Variants in UTP20 observed in about 807,000 individuals in gnomAD.
The protein encoded by UTP20 is UTP20 small subunit processome component, also known as small subunit processome component 20 homolog.
In UTP20, 164 loss-of-function variants were observed where a neutral mutation model predicts 329.5. The ratio of observed to expected loss-of-function variants is 0.50; its 90% CI spans 0.44 to 0.57. The LOEUF is 0.57. UTP20 is among the 20% of genes least tolerant of loss of function. The pLI, the probability that UTP20 is intolerant of heterozygous loss-of-function variation, is 0.00. For synonymous variants in UTP20, 1,151 were observed against 1,159.3 expected, an observed-to-expected ratio of 0.99 and a Z score of 0.14; for missense variants, 3,055 against 3,284.2, an observed-to-expected ratio of 0.93 and a Z score of 1.71.
intron 24 of UTP20, 150 bp from the exon 25 acceptor site, chr12:101,321,353 AT>A (rs993022381): frequency 8.9e-7 from 1 of 1,122,796 alleles, no homozygotes; most frequent in Non-Finnish European, 1.2e-6. Context: ...ATTTTAGGAG[AT>A]TTTTTTGAGG....
intron 56 of UTP20, among the ~76,000 whole-genome samples, chr12:101,378,058 T>TA (rs370593150): frequency 1.7e-3 from 253 of 152,042 alleles, no homozygotes; most frequent in African/African-American, 5.5e-3. Context: ...CCCATCTCTA[T>TA]AAAAAATAAC....
chr12:101,296,569 T>TC (rs1462442856), intron 12 of UTP20, among the ~76,000 whole-genome samples: 5 of 60,558 alleles, frequency 8.3e-5, no homozygotes, highest in African/African-American at 7.1e-4. Context: ...AGACTTCATC[T>TC]CAAAAAAAAA....
chr12:101,293,106 C>A, intron 10 of UTP20, 62 bp from the exon 11 acceptor site: 1 of 1,524,962 alleles, frequency 6.6e-7, no homozygotes, highest in Non-Finnish European at 9.1e-7. Flanking sequence ...TAGCTGCTTG[C>A]TGGGGGGATG....
chr12:101,362,447 T>C lies in UTP20; in HGVS notation c.5790+387T>C, dbSNP rs569085705. 5.3e-5 allele frequency among the ~76,000 whole-genome samples: 8 copies of C among 152,352 alleles called. No homozygotes were observed. The South Asian group carries it at 1.7e-3, about 32-fold the overall frequency. ...GGCCAGGCACTGTGGCTCATGCCTG[T>C]AAACCCAGCACTTTGGGAGGCTGAG... On this transcript the variant is annotated intron_variant, in intron 44 of 61. Transcript: ENST00000261637.
chr12:101,319,685 A>G (rs770810309), intron 23 of UTP20, 50 bp downstream of exon 23: 29 of 1,469,532 alleles, frequency 2.0e-5, no homozygotes, highest in African/African-American at 4.3e-5. Flanking sequence ...ACTTTTCTCT[A>G]TCATTTTCTT....
rs375871758 is a variant in UTP20, at chr12:101,299,851, C to G, written c.1586+14C>G. ...ACCTCATATTAGGTAAGAAAATAAG[C>G]TATGTTTAATTTTGAAAGAGATAAC... On this transcript the variant is annotated intron_variant, in intron 13 of 61. Transcript: ENST00000261637. 4.4e-6 allele frequency: 7 copies of G among 1,601,504 alleles called. No individual in the cohort carries two copies. In the African/African-American group the frequency reaches 9.4e-5, roughly 22 times the overall value.
intron 42 of UTP20, 47 bp downstream of exon 42, chr12:101,356,740 T>C: frequency 1.3e-6 from 2 of 1,575,150 alleles, no homozygotes; most frequent in Non-Finnish European, 1.7e-6. Flanking sequence ...CAAAAATTGG[T>C]TCTTTTCTTC....
At chr12:101,296,677 G>A (rs1238556648) in intron 12 of UTP20, among the ~76,000 whole-genome samples, 7 of 152,090 alleles carry the variant, frequency 4.6e-5, no homozygotes, top group African/African-American at 1.7e-4. Flanking sequence ...GAACCCAGGA[G>A]GTAGAGGTTG....
intron 21 of UTP20, among the ~76,000 whole-genome samples, chr12:101,316,343 A>T (rs1457754079): frequency 6.6e-6 from 1 of 152,230 alleles, no homozygotes; most frequent in Non-Finnish European, 1.5e-5. Flanking sequence ...GAATGAGTGA[A>T]CATGCTGTTC....
Position 101,311,761 on chromosome 12 carries a change from C to A in UTP20, c.2274C>A (p.Val758=). ...HEMENKQFWK[V]YYEHLEKAAT... ...TGGAAAATAAGCAATTTTGGAAAGT[C>A]TACTATGAGCATCTAGAAAAAGCAG... is the stretch of plus-strand genomic sequence containing the variant. The change falls in exon 20 of 62, where the codon GTC becomes GTA. Residue 758 remains valine (V), a synonymous_variant. Coordinates refer to ENST00000261637, the MANE Select transcript of UTP20 (RefSeq NM_014503.3). The A allele has an allele frequency of 6.2e-7, 1 of 1,612,292 alleles. No individual in the cohort carries two copies. Among genetic ancestry groups the A allele is most frequent in the South Asian group, 1.1e-5 (1 of 90,706 alleles).
In UTP20 at chr12:101,356,647, C is replaced by G. The variant is rs1414204246; in HGVS notation, c.5488C>G (p.Leu1830Val). ...RVPLAFAMVK[L>V]MQSLPQEVME... Reference sequence around the variant, plus strand: ...TCCATTAGCTTTTGCCATGGTTAAACTAATGCAGTCCCTTCCACAAGAAGT... The same window carrying G: ...TCCATTAGCTTTTGCCATGGTTAAAGTAATGCAGTCCCTTCCACAAGAAGT... The change falls in exon 42 of 62, where the codon CTA becomes GTA. Residue 1830 changes from leucine (L) to valine (V), a missense_variant. Leu to Val is a conservative substitution (Grantham distance 32). Transcript: ENST00000261637. The G allele has an allele frequency of 1.9e-6, 3 of 1,613,898 alleles. No individual in the cohort carries two copies. The highest frequency in any genetic ancestry group is 2.5e-6 in the Non-Finnish European group (3 of 1,179,964).
chr12:101,348,230 A>G (rs1240646689), intron 38 of UTP20, among the ~76,000 whole-genome samples: 2 of 152,246 alleles, frequency 1.3e-5, no homozygotes, highest in Non-Finnish European at 2.9e-5. Context: ...TTTTTTATCC[A>G]GTCCAACAAC....
At position 101,365,600 on chromosome 12, in the gene UTP20, C is replaced by A; in HGVS notation, c.6100C>A (p.Leu2034Ile). 6.3e-7 allele frequency: 1 copy of A among 1,580,602 alleles called. No homozygotes were observed. The highest frequency in any genetic ancestry group is 8.6e-7 in the Non-Finnish European group (1 of 1,169,002). Residue 2034 changes from leucine to isoleucine, a missense_variant, in exon 46 of 62, where the codon CTT (leucine) becomes ATT (isoleucine). By Grantham distance (5) the Leu-to-Ile change is conservative. Transcript: ENST00000261637. ...CAGTTATGGTTTGATCAGTGAAAATCTTCCCCTGTTAACAGAGAAAGAAAA... is the reference window on the plus strand; with the variant it reads ...CAGTTATGGTTTGATCAGTGAAAATATTCCCCTGTTAACAGAGAAAGAAAA... ...LLSYGLISEN[L>I]PLLTEKEKNP...
chr12:101,363,038 C>A (rs1180659576), intron 44 of UTP20, among the ~76,000 whole-genome samples: 1 of 131,536 alleles, frequency 7.6e-6, no homozygotes, highest in Non-Finnish European at 1.5e-5. Flanking sequence ...GAGGCTGAGA[C>A]ACGAGAATTG....
intron 24 of UTP20, 27 bp downstream of exon 24, chr12:101,320,964 G>A: frequency 2.6e-6 from 4 of 1,565,040 alleles, no homozygotes; most frequent in Non-Finnish European, 3.5e-6. Flanking sequence ...TTAAAGAACT[G>A]TTATTTCTTC....
intron 30 of UTP20, among the ~76,000 whole-genome samples, 186 bp downstream of exon 30, chr12:101,338,463 T>C (rs1869009241): frequency 6.6e-6 from 1 of 152,226 alleles, no homozygotes; most frequent in African/African-American, 2.4e-5. Context: ...ATAGATTATT[T>C]ACTCTCCAAG....
At chr12:101,293,363 A>G in intron 11 of UTP20, 118 bp downstream of exon 11, 1 of 842,710 alleles carries the variant, frequency 1.2e-6, no homozygotes. Context: ...TAAGTGCTTG[A>G]TGTTTTAGTC....
At chr12:101,371,550 G>A (rs1415827080) in intron 51 of UTP20, among the ~76,000 whole-genome samples, 1 of 38,684 alleles carries the variant, frequency 2.6e-5, no homozygotes, top group African/African-American at 7.2e-5. Flanking sequence ...TTTTTTTTTT[G>A]AGACGGAGTC....
At chr12:101,367,374 C>T (rs1009958025) in intron 47 of UTP20, among the ~76,000 whole-genome samples, 5 of 152,268 alleles carry the variant, frequency 3.3e-5, no homozygotes, top group South Asian at 2.1e-4. Context: ...TTCATTGACT[C>T]GCATTTTTCT....
Sources: gnomAD v4.1 joint callset for allele counts (sites outside exome capture counted in the v4.1 genomes callset) on GRCh38, gnomAD v4.1.1 for gene constraint, MANE v1.5 for transcripts, NCBI Gene and HGNC (gene_info 2026-07-23, HGNC 2026-07-21) for gene names.